The following SGCZ variants were observed in gnomAD, a reference collection of about 807,000 sequenced individuals.
SGCZ encodes the protein sarcoglycan zeta.
SGCZ carries 40 observed loss-of-function variants against 41.3 expected under a neutral mutation model. The ratio of observed to expected loss-of-function variants is 0.97; its 90% confidence interval spans 0.75 to 1.26. The LOEUF is 1.26. Among genes scored for constraint, SGCZ ranks in the 50% most tolerant of loss-of-function variants. The probability of loss-of-function intolerance (pLI) is 0.00; values close to 1 mark genes in which losing one functional copy is unlikely to be tolerated. For synonymous variants in SGCZ, 206 were observed against 137.5 expected (o/e 1.50, Z -3.49); for missense variants, 552 against 369.8 (o/e 1.49, Z -4.04).
intron 1 of SGCZ, among the ~76,000 whole-genome samples, chr8:14,776,209 T>C (rs1219644793): frequency 6.6e-6 from 1 of 152,180 alleles, no homozygotes; most frequent in Non-Finnish European, 1.5e-5. Flanking sequence ...CACCCAAATC[T>C]TACTTTGAAT....
intron 1 of SGCZ, among the ~76,000 whole-genome samples, chr8:14,921,007 T>A (rs1376314308): frequency 6.6e-6 from 1 of 152,142 alleles, no homozygotes; most frequent in African/African-American, 2.4e-5. Context: ...CACAGTAGTG[T>A]AGCCCATATC....
At chr8:15,205,698 G>C (rs1801037702) in intron 1 of SGCZ, among the ~76,000 whole-genome samples, 1 of 152,180 alleles carries the variant, frequency 6.6e-6, no homozygotes, top group Non-Finnish European at 1.5e-5. Context: ...GAGAAAAGCA[G>C]TATGGCAATT....
chr8:15,101,139 T>C (rs113514769), intron 1 of SGCZ, among the ~76,000 whole-genome samples: 36 of 152,274 alleles, frequency 2.4e-4, no homozygotes, highest in African/African-American at 7.9e-4. Flanking sequence ...CTCAAGACTA[T>C]GAGACATCTA....
chr8:15,187,008 T>A (rs1800370141), intron 1 of SGCZ, among the ~76,000 whole-genome samples: 1 of 152,188 alleles, frequency 6.6e-6, no homozygotes, highest in African/African-American at 2.4e-5. Context: ...GAAATCACCC[T>A]AACTCATATA....
At chr8:14,858,415 G>C (rs1330445287) in intron 1 of SGCZ, among the ~76,000 whole-genome samples, 1 of 152,066 alleles carries the variant, frequency 6.6e-6, no homozygotes, top group Non-Finnish European at 1.5e-5. Flanking sequence ...GGCAATTGTA[G>C]TGTGACAATT....
intron 3 of SGCZ, among the ~76,000 whole-genome samples, chr8:14,247,587 C>T (rs1206965730): frequency 6.6e-6 from 1 of 152,230 alleles, no homozygotes; most frequent in East Asian, 1.9e-4. Flanking sequence ...AAATCAGACA[C>T]TGCTGTTGCT....
rs562680173 is a variant in SGCZ at position 15,039,457 on chromosome 8, A to G, written c.39+198128T>C. Among the ~76,000 whole-genome samples, 4 of 152,314 alleles carry G rather than the reference A, an allele frequency of 2.6e-5. No individual in the cohort carries two copies. In the East Asian group the frequency reaches 7.7e-4, roughly 29 times the overall value. ...AGTAGAGAATAGAATGGGGGTTACC[A>G]AAGTTTGGAGGATCAGTGGGTGGGG... On this transcript the variant is annotated intron_variant, in intron 1 of 7. Coordinates refer to ENST00000382080, the MANE Select transcript of SGCZ (RefSeq NM_139167.4).
chr8:14,997,752 G>C (rs561316618), intron 1 of SGCZ, among the ~76,000 whole-genome samples: 1 of 152,158 alleles, frequency 6.6e-6, no homozygotes. Context: ...TTGAGGTCAG[G>C]AGTGAGAGAC....
At chr8:14,918,110 A>G (rs1799490947) in intron 1 of SGCZ, among the ~76,000 whole-genome samples, 1 of 152,186 alleles carries the variant, frequency 6.6e-6, no homozygotes, top group Non-Finnish European at 1.5e-5. Context: ...ATCCAAGAAG[A>G]TACTGAGCAA....
chr8:14,683,810 A>T (rs910665362), intron 1 of SGCZ, among the ~76,000 whole-genome samples: 5 of 152,146 alleles, frequency 3.3e-5, no homozygotes, highest in African/African-American at 1.2e-4. Flanking sequence ...GAGAAAATTA[A>T]GTGATTTTCT....
chr8:14,509,535 C>T (rs1802408022), intron 2 of SGCZ, among the ~76,000 whole-genome samples: 1 of 152,254 alleles, frequency 6.6e-6, no homozygotes, highest in African/African-American at 2.4e-5. Flanking sequence ...CTACACACAA[C>T]AGTCAGCTGT....
rs142935958 is a variant in SGCZ at position 14,550,240 on chromosome 8, C to T, written c.234+4492G>A. On this transcript the variant is annotated intron_variant, in intron 2 of 7. Coordinates refer to ENST00000382080, the MANE Select transcript of SGCZ (RefSeq NM_139167.4). ...AATAAATGAATTACAGCTGCACAAG[C>T]GATAATATATATTTTGTGCTAAAAA... Among the ~76,000 whole-genome samples the T allele has an allele frequency of 2.8e-3, 426 of 151,308 alleles. 3 individuals are homozygous for T. Among genetic ancestry groups the T allele is most frequent in the African/African-American group, 9.8e-3 (404 of 41,260 alleles).
intron 2 of SGCZ, among the ~76,000 whole-genome samples, chr8:14,458,204 A>G (rs907177624): frequency 6.6e-6 from 1 of 152,240 alleles, no homozygotes; most frequent in East Asian, 1.9e-4. Context: ...TGTGGGGAAT[A>G]AAAAATTAAA....
chr8:14,818,075 C>A (rs527507540), intron 1 of SGCZ, among the ~76,000 whole-genome samples: 5 of 152,260 alleles, frequency 3.3e-5, no homozygotes, highest in Admixed American at 3.3e-4. Flanking sequence ...CCCTTCTGTG[C>A]CCAGCCCACC....
At position 14,919,094 on chromosome 8, in the gene SGCZ, T is replaced by A. The variant is rs531862314; in HGVS notation, c.39+318491A>T. On this transcript the variant is annotated intron_variant, in intron 1 of 7. Coordinates refer to ENST00000382080, the MANE Select transcript of SGCZ (RefSeq NM_139167.4). ...GCGTTGATTCAATTAGTTAATAAAA[T>A]TATTGATAACACTATATATCATATG... Among the ~76,000 whole-genome samples, 5 of 152,288 alleles carry A rather than the reference T, an allele frequency of 3.3e-5. No individual in the cohort carries two copies. The East Asian group carries it at 9.6e-4, about 29-fold the overall frequency.
chr8:15,140,653 T>C (rs558923495), intron 1 of SGCZ, among the ~76,000 whole-genome samples: 1 of 152,324 alleles, frequency 6.6e-6, no homozygotes, highest in East Asian at 1.9e-4. Flanking sequence ...ATATTTACTT[T>C]TTTGTGTAAG....
At chr8:14,235,593 C>T (rs1425820471) in intron 4 of SGCZ, among the ~76,000 whole-genome samples, 4 of 152,190 alleles carry the variant, frequency 2.6e-5, no homozygotes, top group East Asian at 1.9e-4. Context: ...AGTATTTGCA[C>T]TTCACGTAAT....
intron 2 of SGCZ, among the ~76,000 whole-genome samples, chr8:14,481,021 A>T (rs1801521136): frequency 6.6e-6 from 1 of 152,068 alleles, no homozygotes; most frequent in Non-Finnish European, 1.5e-5. Context: ...GCTCTCAGAA[A>T]AATAAAAAGG....
rs577847654 is a variant in SGCZ, at chr8:14,560,236, T to G, written c.40-5310A>C. Among the ~76,000 whole-genome samples, 14 of 152,104 alleles carry G rather than the reference T, an allele frequency of 9.2e-5. 1 individual carries two copies. The South Asian group carries it at 2.9e-3, about 32-fold the overall frequency. ...TAATGTTCCCAACACAGATAAAAGA[T>G]AAATGTTTGAGGTTATGAATAACCT... On this transcript the variant is annotated intron_variant, in intron 1 of 7. Coordinates refer to ENST00000382080, the MANE Select transcript of SGCZ (RefSeq NM_139167.4).
Sources: allele counts gnomAD v4.1 joint callset (sites outside exome capture counted in the v4.1 genomes callset), GRCh38; gene constraint gnomAD v4.1.1; transcripts MANE v1.5; gene names NCBI Gene and HGNC (gene_info 2026-07-23, HGNC 2026-07-21).